CDYL2: variants seen among roughly 807,000 people sequenced by gnomAD.
CDYL2 encodes chromodomain Y like 2, also known as chromodomain Y-like protein 2.
Under a neutral mutation model 49.4 loss-of-function variants are expected in CDYL2, and 23 were observed. That is an observed-to-expected ratio of 0.47 (90% CI 0.34 to 0.66). The LOEUF is 0.66. Among genes scored for constraint, CDYL2 ranks in the 30% least tolerant of loss-of-function variants. The pLI is 0.01. For synonymous variants in CDYL2, 360 were observed against 268.8 expected, an observed-to-expected ratio of 1.34 and a Z score of -3.32; for missense variants, 678 against 656.4, an observed-to-expected ratio of 1.03 and a Z score of -0.36.
Position 80,612,508 on chromosome 16 carries a change from C to G in CDYL2, c.1218+118G>C. The G allele has an allele frequency of 1.9e-6, 2 of 1,039,512 alleles. No individual in the cohort carries two copies. Among genetic ancestry groups the G allele is most frequent in the East Asian group, 2.4e-5 (1 of 41,080 alleles). 64.4% of individuals were successfully genotyped at this position (1,039,512 alleles called of 1,614,324 possible). ...GAAGGTGTGAAGGACATGAGGCAGCCAAGCCAATCTGCAGGCTGACAACAC... is the reference window on the plus strand; with the variant it reads ...GAAGGTGTGAAGGACATGAGGCAGCGAAGCCAATCTGCAGGCTGACAACAC... On this transcript the variant is annotated intron_variant, in intron 5 of 6. Coordinates refer to ENST00000570137, the MANE Select transcript of CDYL2 (RefSeq NM_152342.4). This position sits in a 1 kb window ranked among gnomAD's most constrained non-coding sequence, Gnocchi z 5.0.
chr16:80,750,320 C>A (rs1906087203), intron 1 of CDYL2, among the ~76,000 whole-genome samples: 1 of 147,880 alleles, frequency 6.8e-6, no homozygotes. Flanking sequence ...CATCTTGTTC[C>A]AAGTAGGATA....
chr16:80,668,277 T>C (rs910904720), intron 2 of CDYL2, among the ~76,000 whole-genome samples: 1 of 152,180 alleles, frequency 6.6e-6, no homozygotes, highest in African/African-American at 2.4e-5. Context: ...ACCTTCAATC[T>C]TTACTCGGAT....
At chr16:80,782,530 G>GGAA (rs1555537948) in intron 1 of CDYL2, among the ~76,000 whole-genome samples, 3 of 35,786 alleles carry the variant, frequency 8.4e-5, no homozygotes, top group African/African-American at 2.8e-4. Context: ...GACATAAGGA[G>GGAA]AAAAAAAAAA....
At chr16:80,740,251 TA>T (rs1235296455) in intron 1 of CDYL2, among the ~76,000 whole-genome samples, 1 of 152,170 alleles carries the variant, frequency 6.6e-6, no homozygotes, top group African/African-American at 2.4e-5. Flanking sequence ...TTTTCCCCAC[TA>T]AAACTTCCAT....
At chr16:80,690,373 A>G (rs545095533) in intron 1 of CDYL2, among the ~76,000 whole-genome samples, 2 of 152,294 alleles carry the variant, frequency 1.3e-5, no homozygotes, top group East Asian at 3.9e-4. Flanking sequence ...CCTTTCCACT[A>G]GCAGGCTGAT....
intron 3 of CDYL2, 122 bp from the exon 4 acceptor site, chr16:80,621,057 G>T: frequency 2.7e-6 from 3 of 1,121,870 alleles, no homozygotes; most frequent in Non-Finnish European, 3.7e-6. Context: ...ATCTGCTTCT[G>T]CCTGTGCAGG....
At chr16:80,688,465 A>C (rs1160420254) in intron 1 of CDYL2, among the ~76,000 whole-genome samples, 1 of 152,204 alleles carries the variant, frequency 6.6e-6, no homozygotes, top group Non-Finnish European at 1.5e-5. Context: ...GCATCACTAC[A>C]AGATGAATGG....
At chr16:80,650,930 T>A (rs1784254344) in intron 2 of CDYL2, among the ~76,000 whole-genome samples, 1 of 122,470 alleles carries the variant, frequency 8.2e-6, no homozygotes, top group African/African-American at 3.1e-5. Context: ...ACAATTGAGC[T>A]CATAGAAATA....
intron 1 of CDYL2, among the ~76,000 whole-genome samples, chr16:80,718,065 T>C (rs1214584011): frequency 6.6e-6 from 1 of 152,188 alleles, no homozygotes; most frequent in Non-Finnish European, 1.5e-5. Context: ...TTATCTCTAC[T>C]TTACAGATGT....
intron 1 of CDYL2, among the ~76,000 whole-genome samples, chr16:80,757,538 C>CAAAAAAAAA (rs35826810): frequency 1.0e-5 from 1 of 98,342 alleles, no homozygotes; most frequent in Non-Finnish European, 2.5e-5. Flanking sequence ...GACTCTGTCT[C>CAAAAAAAAA]AAAAAAAAAA....
intron 1 of CDYL2, among the ~76,000 whole-genome samples, chr16:80,758,075 G>A (rs1265289110): frequency 1.3e-5 from 2 of 152,020 alleles, no homozygotes; most frequent in Non-Finnish European, 2.9e-5. Context: ...TAAGACATTA[G>A]ATAACTGAAA....
chr16:80,799,092 G>A (rs138622702), intron 1 of CDYL2, among the ~76,000 whole-genome samples: 72 of 151,754 alleles, frequency 4.7e-4, no homozygotes, highest in Non-Finnish European at 8.8e-4. Context: ...CCAGTATCCC[G>A]ATTTGGTTTT....
intron 1 of CDYL2, among the ~76,000 whole-genome samples, chr16:80,695,222 G>C (rs569569659): frequency 1.8e-4 from 28 of 152,328 alleles, no homozygotes; most frequent in African/African-American, 6.5e-4. Context: ...GTAGAAATGA[G>C]TTGTTGTCAC....
Position 80,756,732 on chromosome 16 carries a change from T to C in CDYL2, c.24+47418A>G, listed in dbSNP as rs543340718. ...ACCACAGTCCAGTGTCACTTAGGAATATTCATTTTAAAAAATTAAATAAAA... is the reference window on the plus strand; with the variant it reads ...ACCACAGTCCAGTGTCACTTAGGAACATTCATTTTAAAAAATTAAATAAAA... On this transcript the variant is annotated intron_variant, in intron 1 of 6. Coordinates refer to ENST00000570137, the MANE Select transcript of CDYL2 (RefSeq NM_152342.4). Among the ~76,000 whole-genome samples, 128 of 152,220 alleles carry C rather than the reference T, an allele frequency of 8.4e-4. 1 individual carries two copies. The highest frequency in any genetic ancestry group is 2.8e-3 in the African/African-American group (116 of 41,552).
intron 1 of CDYL2, among the ~76,000 whole-genome samples, chr16:80,707,819 CT>C (rs1904457658): frequency 6.6e-6 from 1 of 152,198 alleles, no homozygotes; most frequent in Non-Finnish European, 1.5e-5. Flanking sequence ...AGGGTTGGTG[CT>C]TCAAGTGGCC....
chr16:80,663,216 G>C (rs1312721354), intron 2 of CDYL2, among the ~76,000 whole-genome samples: 1 of 151,610 alleles, frequency 6.6e-6, no homozygotes, highest in Admixed American at 6.6e-5. Context: ...ACAATTAACA[G>C]AGAGAACAGA....
chr16:80,759,190 T>C (rs1360787855), intron 1 of CDYL2, among the ~76,000 whole-genome samples: 1 of 146,674 alleles, frequency 6.8e-6, no homozygotes, highest in African/African-American at 2.5e-5. Context: ...TGTATATATA[T>C]ATATAATTTG....
At chr16:80,657,377 T>A (rs916391468) in intron 2 of CDYL2, among the ~76,000 whole-genome samples, 25 of 152,134 alleles carry the variant, frequency 1.6e-4, no homozygotes, top group Admixed American at 4.6e-4. Context: ...CAGTTGTGTA[T>A]CACAGATAAA....
chr16:80,671,545 C>T (rs995270705), intron 2 of CDYL2, among the ~76,000 whole-genome samples: 3 of 152,194 alleles, frequency 2.0e-5, no homozygotes, highest in African/African-American at 7.2e-5. Context: ...TCTGGGCTCT[C>T]CTCCTTTGCC....
Sources: gnomAD v4.1 joint callset for allele counts (sites outside exome capture counted in the v4.1 genomes callset) on GRCh38, gnomAD v4.1.1 for gene constraint, Gnocchi (gnomAD v3.1) non-coding constraint, MANE v1.5 for transcripts, NCBI Gene and HGNC (gene_info 2026-07-23, HGNC 2026-07-21) for gene names.